CRISPLD2: variants seen among roughly 807,000 people sequenced by gnomAD.
CRISPLD2 encodes the protein cysteine-rich secretory protein LCCL domain-containing 2.
Under a neutral mutation model 71.1 loss-of-function variants are expected in CRISPLD2, and 47 were observed. The ratio of observed to expected loss-of-function variants is 0.66; its 90% CI spans 0.52 to 0.84. CRISPLD2 has a LOEUF of 0.84. Ranked by LOEUF, CRISPLD2 falls within the 40% of genes least tolerant of loss-of-function variation. CRISPLD2 has a pLI of 0.00. For missense variants in CRISPLD2, 830 were observed against 651.1 expected (o/e 1.27, Z -2.99); for synonymous variants, 317 against 250.1 (o/e 1.27, Z -2.52).
At chr16:84,838,152 A>T (rs1916671657) in intron 1 of CRISPLD2, among the ~76,000 whole-genome samples, 1 of 151,896 alleles carries the variant, frequency 6.6e-6, no homozygotes, top group South Asian at 2.1e-4. Context: ...AAATGCAGGG[A>T]CTCGCTCAAG....
chr16:84,843,428 C>T (rs887721300), intron 2 of CRISPLD2, among the ~76,000 whole-genome samples: 1 of 152,210 alleles, frequency 6.6e-6, no homozygotes, highest in Non-Finnish European at 1.5e-5. Context: ...GATTCTAAAA[C>T]CCCAAAGAGT....
At chr16:84,892,458 T>C (rs1037498820) in intron 14 of CRISPLD2, among the ~76,000 whole-genome samples, 1 of 152,048 alleles carries the variant, frequency 6.6e-6, no homozygotes, top group African/African-American at 2.4e-5. Flanking sequence ...AACAGCTCAA[T>C]AGTTTCTGTT....
intron 3 of CRISPLD2, among the ~76,000 whole-genome samples, chr16:84,847,148 C>T (rs909173173): frequency 1.3e-5 from 2 of 152,218 alleles, no homozygotes; most frequent in African/African-American, 4.8e-5. Flanking sequence ...TAGACAGCCT[C>T]TTAAAATGTA....
intron 3 of CRISPLD2, among the ~76,000 whole-genome samples, chr16:84,846,870 A>G (rs1468340150): frequency 6.6e-6 from 1 of 152,208 alleles, no homozygotes; most frequent in Non-Finnish European, 1.5e-5. Context: ...AATGCAGCCG[A>G]CGGGCCTTCC....
chr16:84,859,615 T>G (rs1917330180), intron 6 of CRISPLD2, among the ~76,000 whole-genome samples: 2 of 152,228 alleles, frequency 1.3e-5, no homozygotes, highest in Non-Finnish European at 2.9e-5. Flanking sequence ...ATTCTCTGTT[T>G]TTATAATTCA....
intron 13 of CRISPLD2, among the ~76,000 whole-genome samples, chr16:84,887,493 C>T (rs1354883300): frequency 3.3e-5 from 5 of 152,188 alleles, no homozygotes; most frequent in East Asian, 1.9e-4. Context: ...AAGCTGCTGC[C>T]GGGGACTGAT....
chr16:84,870,563 C>T (rs576481551), intron 8 of CRISPLD2, among the ~76,000 whole-genome samples: 42 of 152,188 alleles, frequency 2.8e-4, no homozygotes, highest in South Asian at 1.5e-3. Context: ...GTGATCTGCC[C>T]GCCTTGGCCT....
At chr16:84,891,037 G>A (rs1489164987) in intron 14 of CRISPLD2, among the ~76,000 whole-genome samples, 1 of 152,114 alleles carries the variant, frequency 6.6e-6, no homozygotes, top group Non-Finnish European at 1.5e-5. Context: ...AAAGTGCTGG[G>A]ATCACAGGTG....
chr16:84,845,747 A>G, intron 2 of CRISPLD2, 39 bp from the exon 3 acceptor site: 1 of 1,403,480 alleles, frequency 7.1e-7, no homozygotes, highest in Non-Finnish European at 1.0e-6. Context: ...CCCCTCCCTC[A>G]CCCTCACCTC....
intron 12 of CRISPLD2, among the ~76,000 whole-genome samples, chr16:84,878,763 G>A (rs2071543136): frequency 1.3e-5 from 2 of 152,244 alleles, no homozygotes; most frequent in Admixed American, 1.3e-4. Context: ...GGAAAAGGCC[G>A]CAGGTCTCTG....
chr16:84,884,056 G>C (rs1425414800), intron 13 of CRISPLD2, among the ~76,000 whole-genome samples: 1 of 152,076 alleles, frequency 6.6e-6, no homozygotes, highest in Non-Finnish European at 1.5e-5. Flanking sequence ...TGTTGGCCAG[G>C]TTGGTCTCGA....
chr16:84,828,930 C>T (rs1007521102), intron 1 of CRISPLD2: 1 of 152,022 alleles, frequency 6.6e-6, no homozygotes, highest in African/African-American at 2.4e-5. Flanking sequence ...TGTTAATTAG[C>T]TGGACGTGGT....
At chr16:84,897,132 C>G (rs1241480278) in intron 14 of CRISPLD2, among the ~76,000 whole-genome samples, 1 of 152,202 alleles carries the variant, frequency 6.6e-6, no homozygotes, top group Admixed American at 6.5e-5. Context: ...GTTCCTGCCC[C>G]TTTACTCTGG....
At chr16:84,830,124 G>A (rs900709701) in intron 1 of CRISPLD2, among the ~76,000 whole-genome samples, 1 of 151,934 alleles carries the variant, frequency 6.6e-6, no homozygotes, top group Non-Finnish European at 1.5e-5. Context: ...GGAGTTCGAG[G>A]GTGGCCTGGG....
At chr16:84,878,054 CAAAAAAAAA>C (rs60773992) in intron 12 of CRISPLD2, among the ~76,000 whole-genome samples, 1 of 97,512 alleles carries the variant, frequency 1.0e-5, no homozygotes, top group Admixed American at 1.2e-4. Context: ...ACTAAAAATA[CAAAAAAAAA>C]AAAAAAAAAA....
intron 5 of CRISPLD2, among the ~76,000 whole-genome samples, chr16:84,853,774 G>A (rs985494332): frequency 1.2e-4 from 18 of 152,216 alleles, no homozygotes; most frequent in African/African-American, 4.1e-4. Context: ...CCGGTCCAAG[G>A]GCTTCCCCAC....
chr16:84,856,436 T>C (rs1179467022), intron 6 of CRISPLD2, among the ~76,000 whole-genome samples: 1 of 152,146 alleles, frequency 6.6e-6, no homozygotes, highest in African/African-American at 2.4e-5. Context: ...ACTTCCAGTT[T>C]AATGGGATTG....
rs112920236 is a variant in CRISPLD2, at chr16:84,867,150, G to T, written c.853+110G>T. 3.5e-3 allele frequency: 3,900 copies of T among 1,109,748 alleles called. 106 individuals carry two copies. In the African/African-American group the frequency reaches 0.054, roughly 15 times the overall value. The allele number at this position is 1,109,748 out of a possible 1,614,324, so 68.7% of individuals were successfully genotyped here. A position where few individuals can be genotyped will look rare whatever the true frequency, so the allele number is the denominator to read the frequency against. ...ATTTAGGTCTGCAAATCCACAGGCA[G>T]TGGCAAACAGGGTGCGGCGAAGCTC... On this transcript the variant is annotated intron_variant, in intron 7 of 14. Transcript: ENST00000262424.
Position 84,876,665 on chromosome 16 carries a change from C to T in CRISPLD2, c.1157-773C>T, listed in dbSNP as rs1427469760. 2.0e-5 allele frequency among the ~76,000 whole-genome samples: 3 copies of T among 151,992 alleles called. No individual in the cohort carries two copies. In the South Asian group the frequency reaches 6.2e-4, roughly 32 times the overall value. On this transcript the variant is annotated intron_variant, in intron 11 of 14. Coordinates refer to ENST00000262424, the MANE Select transcript of CRISPLD2 (RefSeq NM_031476.4). ...AAAATTAGCTGGCTGTGGTGGCAGG[C>T]GCCTCTAATCCCAGCTACTCGGGAG...
Sources: allele counts gnomAD v4.1 joint callset (sites outside exome capture counted in the v4.1 genomes callset), GRCh38; gene constraint gnomAD v4.1.1; transcripts MANE v1.5; gene names NCBI Gene and HGNC (gene_info 2026-07-23, HGNC 2026-07-21).